Variants in HEATR3 observed in about 807,000 individuals in gnomAD.
HEATR3 encodes HEAT repeat containing 3.
Under a neutral mutation model 72.8 loss-of-function variants are expected in HEATR3, and 56 were observed. That is an observed-to-expected ratio of 0.77 (90% CI 0.62 to 0.96). The LOEUF (loss-of-function observed/expected upper bound fraction) is 0.96, where lower values mean the gene tolerates loss of function less well. Among genes scored for constraint, HEATR3 ranks in the 40% least tolerant of loss-of-function variants. The probability of loss-of-function intolerance (pLI) is 0.00; values close to 1 mark genes in which losing one functional copy is unlikely to be tolerated. For synonymous variants in HEATR3, 331 were observed against 318.1 expected (o/e 1.04, Z -0.43); for missense variants, 747 against 831.4 (o/e 0.90, Z 1.25).
At position 50,066,395 on chromosome 16, in the gene HEATR3, A is replaced by C; in HGVS notation, c.167A>C (p.Glu56Ala). 1.9e-6 allele frequency: 3 copies of C among 1,547,532 alleles called. No homozygotes were observed. Among genetic ancestry groups the C allele is most frequent in the Non-Finnish European group, 2.6e-6 (3 of 1,158,194 alleles). ...KLQHPSAEVR[E>A]CACAGLARLV... The stretch of plus-strand genomic sequence containing the variant: ...CAGCACCCGAGCGCCGAGGTCCGCG[A>C]GTGCGCCTGCGCAGGGCTGGCCCGG... Residue 56 changes from glutamate (E) to alanine (A), a missense_variant, in exon 2 of 15, where the codon GAG (glutamate) becomes GCG (alanine). Around this residue, in one of 2 missense-constraint regions of HEATR3, gnomAD observed 161 missense variants for 122.6 expected, o/e 1.31. Transcript: ENST00000299192.
At chr16:50,068,924 T>C in intron 3 of HEATR3, 57 bp downstream of exon 3, 1 of 1,275,652 alleles carries the variant, frequency 7.8e-7, no homozygotes, top group South Asian at 1.3e-5. Context: ...CTTAGACTTT[T>C]TTTAGTACTT....
At chr16:50,083,891 C>T (rs2036925967) in intron 7 of HEATR3, 46 bp from the exon 8 acceptor site, 2 of 1,531,088 alleles carry the variant, frequency 1.3e-6, no homozygotes, top group East Asian at 2.3e-5. Context: ...AAAACATTTT[C>T]CCAACCATTG....
chr16:50,071,796 A>G (rs1346337127), intron 4 of HEATR3, among the ~76,000 whole-genome samples: 1 of 152,232 alleles, frequency 6.6e-6, no homozygotes, highest in African/African-American at 2.4e-5. Flanking sequence ...TGTATGTTAT[A>G]TGTATGGAGG....
At chr16:50,091,745 G>T (rs2037116362) in intron 11 of HEATR3, among the ~76,000 whole-genome samples, 1 of 150,212 alleles carries the variant, frequency 6.7e-6, no homozygotes, top group African/African-American at 2.4e-5. Context: ...GTGGTGGCGG[G>T]CACCTGTAGT....
At chr16:50,066,315 C>T (rs760696550) in intron 1 of HEATR3, 46 bp downstream of exon 1, 1 of 1,567,924 alleles carries the variant, frequency 6.4e-7, no homozygotes, top group Non-Finnish European at 8.6e-7. Context: ...CGAGGTTGCC[C>T]CGCGCGCGTG....
At position 50,105,082 on chromosome 16, in the gene HEATR3, G is replaced by A. The variant is rs201166057; in HGVS notation, c.*21G>A. 2.6e-5 allele frequency: 42 copies of A among 1,606,014 alleles called. No individual in the cohort carries two copies. The highest frequency in any genetic ancestry group is 6.9e-5 in the Admixed American group (4 of 58,160). ...CTTAAACAATCCAAAAAAGAAACCA[G>A]TTCTTCCCCCAAAGTATTCAATGCT... On this transcript the variant is annotated 3_prime_UTR_variant, in exon 15 of 15. Transcript: ENST00000299192.
chr16:50,091,085 A>G (rs1263936341), intron 11 of HEATR3, among the ~76,000 whole-genome samples: 11 of 152,096 alleles, frequency 7.2e-5, no homozygotes, highest in Non-Finnish European at 1.5e-4. Flanking sequence ...TGAAGATTGC[A>G]GTGAGCCAAG....
chr16:50,098,772 CA>C (rs1305089010), intron 12 of HEATR3, among the ~76,000 whole-genome samples: 18 of 151,964 alleles, frequency 1.2e-4, no homozygotes, highest in African/African-American at 4.3e-4. Context: ...GTAGTAGTGA[CA>C]TTAAAAGACA....
At chr16:50,067,654 G>T (rs1477721688) in intron 2 of HEATR3, among the ~76,000 whole-genome samples, 1 of 152,186 alleles carries the variant, frequency 6.6e-6, no homozygotes, top group Non-Finnish European at 1.5e-5. Flanking sequence ...AACACATTTT[G>T]TGAAGACCAC....
chr16:50,066,567 C>G, intron 2 of HEATR3, 28 bp downstream of exon 2: 1 of 1,275,324 alleles, frequency 7.8e-7, no homozygotes, highest in Non-Finnish European at 9.9e-7. Flanking sequence ...CGGGGCGGTG[C>G]CCACCGCTGG....
At position 50,105,119 on chromosome 16, in the gene HEATR3, A is replaced by C; in HGVS notation, c.*58A>C. 6.6e-7 allele frequency: 1 copy of C among 1,519,986 alleles called. No individual in the cohort carries two copies. Among genetic ancestry groups the C allele is most frequent in the Admixed American group, 1.9e-5 (1 of 52,438 alleles). The allele number at this position is 1,519,986 out of a possible 1,614,324, so 94.2% of individuals were successfully genotyped here. On this transcript the variant is annotated 3_prime_UTR_variant, in exon 15 of 15. Coordinates refer to ENST00000299192, the MANE Select transcript of HEATR3 (RefSeq NM_182922.4). Reference sequence around the variant, plus strand: ...AAGTATTCAATGCTTAGAATACTAAAAGGTTTTCTTTGAATGTATATGTTT... The same window carrying C: ...AAGTATTCAATGCTTAGAATACTAACAGGTTTTCTTTGAATGTATATGTTT...
intron 11 of HEATR3, among the ~76,000 whole-genome samples, chr16:50,087,049 T>C (rs2037003314): frequency 6.6e-6 from 1 of 152,224 alleles, no homozygotes; most frequent in South Asian, 2.1e-4. Context: ...GGACAGAAAC[T>C]GGAAAGCCTC....
At chr16:50,087,178 G>C (rs551304794) in intron 11 of HEATR3, among the ~76,000 whole-genome samples, 1 of 151,938 alleles carries the variant, frequency 6.6e-6, no homozygotes, top group Non-Finnish European at 1.5e-5. Context: ...GCGGGCATGC[G>C]TGCGTGTGTG....
Position 50,079,764 on chromosome 16 carries a change from G to A in HEATR3, c.1041+746G>A, listed in dbSNP as rs141195275. ...ATGTATGCCAGGCACTGTGCTAGAC[G>A]CTGGTGATAAAAAGATGATTAAGAT... On this transcript the variant is annotated intron_variant, in intron 7 of 14. Coordinates refer to ENST00000299192, the MANE Select transcript of HEATR3 (RefSeq NM_182922.4). Among the ~76,000 whole-genome samples, 317 of 152,306 alleles carry A rather than the reference G, an allele frequency of 2.1e-3. 2 individuals carry two copies. The highest frequency in any genetic ancestry group is 7.4e-3 in the African/African-American group (307 of 41,560).
intron 6 of HEATR3, among the ~76,000 whole-genome samples, chr16:50,076,698 C>CAGTTAATTT (rs1272197581): frequency 6.7e-6 from 1 of 148,574 alleles, no homozygotes; most frequent in Non-Finnish European, 1.5e-5. Flanking sequence ...CCACCAGGAC[C>CAGTTAATTT]AGTTAATTTT....
intron 12 of HEATR3, among the ~76,000 whole-genome samples, chr16:50,099,250 C>T (rs545697601): frequency 4.1e-4 from 63 of 152,134 alleles, no homozygotes; most frequent in Middle Eastern, 3.4e-3. Context: ...TTATTGATTT[C>T]CCCTGGTATG....
rs1051470760 is a variant in HEATR3 at position 50,066,017 on chromosome 16, G to A, written c.-115G>A. On this transcript the variant is annotated 5_prime_UTR_variant, in exon 1 of 15. Transcript: ENST00000299192. ...GCACGGCTTGCCCATGTGTGCTGCA[G>A]CCGTCAGCCGGCCCAGCTGAGCAGC... 1 of 974,952 alleles carries A rather than the reference G, an allele frequency of 1.0e-6. No individual in the cohort carries two copies. Among genetic ancestry groups the A allele is most frequent in the South Asian group, 1.5e-5 (1 of 68,738 alleles). The allele number at this position is 974,952 out of a possible 1,614,324, so 60.4% of individuals were successfully genotyped here.
intron 7 of HEATR3, 123 bp from the exon 8 acceptor site, chr16:50,083,814 C>CTCT: frequency 1.4e-6 from 1 of 725,776 alleles, no homozygotes; most frequent in Non-Finnish European, 2.3e-6. Flanking sequence ...TTACCTACCC[C>CTCT]ATTCCCCGTG....
chr16:50,083,208 G>A (rs367602911), intron 7 of HEATR3, among the ~76,000 whole-genome samples: 3 of 152,152 alleles, frequency 2.0e-5, no homozygotes, highest in African/African-American at 2.4e-5. Context: ...ATTATTTTTA[G>A]CTCATGTACT....
Sources: gnomAD v4.1 joint callset for allele counts (sites outside exome capture counted in the v4.1 genomes callset) on GRCh38, gnomAD v4.1.1 for gene constraint, gnomAD v4.1.1 regional missense constraint, MANE v1.5 for transcripts, NCBI Gene and HGNC (gene_info 2026-07-23, HGNC 2026-07-21) for gene names.